PIK3C3: variants seen among roughly 807,000 people sequenced by gnomAD.
PIK3C3 encodes PI3-kinase type 3.
Under a neutral mutation model 126.1 loss-of-function variants are expected in PIK3C3, and 95 were observed. That is an observed-to-expected ratio of 0.75 (90% CI 0.64 to 0.89). The LOEUF (loss-of-function observed/expected upper bound fraction) is 0.89. Ranked by LOEUF, PIK3C3 falls within the 40% of genes least tolerant of loss-of-function variation. The pLI is 0.00. For missense variants in PIK3C3, 829 were observed against 1,063.2 expected, an observed-to-expected ratio of 0.78 and a Z score of 3.06; for synonymous variants, 374 against 360.0, an observed-to-expected ratio of 1.04 and a Z score of -0.44.
intron 3 of PIK3C3, among the ~76,000 whole-genome samples, chr18:41,963,501 A>G (rs1394272304): frequency 2.0e-5 from 3 of 152,056 alleles, no homozygotes; most frequent in Admixed American, 2.0e-4. Context: ...ACTACTAGTG[A>G]TTGGTAGCTT....
chr18:42,055,457 C>A (rs1471710527), intron 21 of PIK3C3, among the ~76,000 whole-genome samples: 1 of 151,888 alleles, frequency 6.6e-6, no homozygotes, highest in East Asian at 1.9e-4. Context: ...ATAGGTTTTG[C>A]TATAAGAATA....
chr18:42,038,956 T>C, intron 18 of PIK3C3, 106 bp downstream of exon 18: 1 of 688,832 alleles, frequency 1.5e-6, no homozygotes, highest in Non-Finnish European at 2.4e-6. Flanking sequence ...ATTCCATTTG[T>C]AGCACTGAAG....
intron 24 of PIK3C3, among the ~76,000 whole-genome samples, chr18:42,077,539 C>A (rs200733803): frequency 6.6e-6 from 1 of 152,330 alleles, no homozygotes; most frequent in East Asian, 1.9e-4. Context: ...CTTTGCTTAT[C>A]CAGAAGGAGG....
chr18:42,054,910 A>C (rs1277262498), intron 21 of PIK3C3, among the ~76,000 whole-genome samples: 4 of 151,616 alleles, frequency 2.6e-5, no homozygotes, highest in Non-Finnish European at 4.4e-5. Context: ...TTGTTTTACC[A>C]CCATGAGATG....
At chr18:42,026,462 T>C (rs541516794) in intron 13 of PIK3C3, 6 of 152,300 alleles carry the variant, frequency 3.9e-5, no homozygotes, top group African/African-American at 1.4e-4. Flanking sequence ...TGTGATACTT[T>C]TTTTTTTCTC....
At chr18:42,066,936 G>A (rs565641659) in intron 23 of PIK3C3, among the ~76,000 whole-genome samples, 80 of 152,180 alleles carry the variant, frequency 5.3e-4, no homozygotes, top group African/African-American at 1.9e-3. Context: ...TATAGACACT[G>A]AAGGTATGGG....
intron 9 of PIK3C3, among the ~76,000 whole-genome samples, chr18:42,001,142 A>T (rs995122635): frequency 6.6e-6 from 1 of 152,248 alleles, no homozygotes; most frequent in Non-Finnish European, 1.5e-5. Context: ...TGATTTTCAG[A>T]TCAAATGAAT....
chr18:41,978,071 C>T (rs1981020316), intron 4 of PIK3C3, among the ~76,000 whole-genome samples: 1 of 152,150 alleles, frequency 6.6e-6, no homozygotes, highest in Non-Finnish European at 1.5e-5. Context: ...AAGTGATCCT[C>T]CCACATCCTC....
chr18:42,015,111 G>GT (rs1438651437), intron 11 of PIK3C3, among the ~76,000 whole-genome samples: 1 of 152,024 alleles, frequency 6.6e-6, no homozygotes, highest in African/African-American at 2.4e-5. Context: ...GCTCTGTTAT[G>GT]TTTTTAAGAA....
At chr18:41,964,200 G>T (rs1416921848) in intron 3 of PIK3C3, among the ~76,000 whole-genome samples, 1 of 152,032 alleles carries the variant, frequency 6.6e-6, no homozygotes, top group Non-Finnish European at 1.5e-5. Flanking sequence ...TTGAATATTT[G>T]TCCCAACACT....
At chr18:41,994,023 T>C (rs766040152) in intron 7 of PIK3C3, among the ~76,000 whole-genome samples, 55 of 152,190 alleles carry the variant, frequency 3.6e-4, no homozygotes, top group Non-Finnish European at 8.8e-5. Context: ...ATTCCAACTC[T>C]TTTTGTTCTA....
intron 10 of PIK3C3, among the ~76,000 whole-genome samples, chr18:42,006,509 G>A (rs1374650843): frequency 1.3e-5 from 2 of 152,108 alleles, no homozygotes; most frequent in African/African-American, 4.8e-5. Context: ...TAATCACATG[G>A]CTGGCTTTTC....
chr18:41,957,693 T>G lies in PIK3C3; in HGVS notation c.192T>G (p.Phe64Leu), dbSNP rs748628906. The G allele has an allele frequency of 6.8e-6, 11 of 1,613,898 alleles. No homozygotes were observed. The Admixed American group carries it at 1.0e-4, about 15-fold the overall frequency. ...CSDLYVTCQVFAEGKPLALPV... is the reference protein window; with the variant it reads ...CSDLYVTCQVLAEGKPLALPV... ...ATCTTTATGTTACTTGTCAAGTTTT[T>G]GCAGAAGGGAAGCCTTTGGCCTTGC... The change falls in exon 2 of 25, where the codon TTT becomes TTG. Residue 64 changes from phenylalanine to leucine, a missense_variant. By Grantham distance (22) the Phe-to-Leu change is conservative. This residue lies in a region of PIK3C3 where 313 missense variants were observed against 340.7 expected (regional missense o/e 0.92). Coordinates refer to ENST00000262039, the MANE Select transcript of PIK3C3 (RefSeq NM_002647.4).
intron 1 of PIK3C3, among the ~76,000 whole-genome samples, chr18:41,955,922 G>A (rs1334499090): frequency 6.6e-6 from 1 of 152,124 alleles, no homozygotes; most frequent in Non-Finnish European, 1.5e-5. Flanking sequence ...AGTTTCAAAG[G>A]TACCAAGAAG....
intron 9 of PIK3C3, among the ~76,000 whole-genome samples, chr18:42,002,708 A>C (rs897802979): frequency 1.3e-5 from 2 of 152,134 alleles, no homozygotes; most frequent in African/African-American, 4.8e-5. Context: ...AACAATAGGA[A>C]ATTTGTGCTA....
At chr18:42,009,021 C>A (rs953722929) in intron 10 of PIK3C3, among the ~76,000 whole-genome samples, 3 of 152,050 alleles carry the variant, frequency 2.0e-5, no homozygotes, top group African/African-American at 4.8e-5. Flanking sequence ...CGAATGAAGG[C>A]TGGCAGTGAA....
At chr18:42,079,290 G>A (rs956657080) in intron 24 of PIK3C3, among the ~76,000 whole-genome samples, 1 of 152,156 alleles carries the variant, frequency 6.6e-6, no homozygotes, top group Admixed American at 6.5e-5. Flanking sequence ...GAAGAAGAGA[G>A]ATAGGGGAAT....
chr18:42,076,165 C>CATATATAT (rs375558824), intron 24 of PIK3C3, among the ~76,000 whole-genome samples: 1 of 103,676 alleles, frequency 9.6e-6, no homozygotes, highest in Non-Finnish European at 1.8e-5. Context: ...TATATATGCA[C>CATATATAT]ATATATATAT....
Position 42,027,358 on chromosome 18 carries a change from CTG to C in PIK3C3, c.1485-83_1485-82del, listed in dbSNP as rs575289662. On this transcript the variant is annotated intron_variant, in intron 13 of 24. Transcript: ENST00000262039. ...ATTATTTTTGCATATGTAAATTAAT[CTG>C]TTTTAGTGAAATGATATGAGTATTT... 57 of 603,402 alleles carry C rather than the reference CTG, an allele frequency of 9.4e-5. No individual in the cohort carries two copies. The African/African-American group carries it at 9.9e-4, about 10-fold the overall frequency. 37.4% of individuals were successfully genotyped at this position (603,402 alleles called of 1,614,324 possible). A position where few individuals can be genotyped will look rare whatever the true frequency, so the allele number is the denominator to read the frequency against.
Sources: gnomAD v4.1 joint callset for allele counts (sites outside exome capture counted in the v4.1 genomes callset) on GRCh38, gnomAD v4.1.1 for gene constraint, gnomAD v4.1.1 regional missense constraint, MANE v1.5 for transcripts, NCBI Gene and HGNC (gene_info 2026-07-23, HGNC 2026-07-21) for gene names.